The following TSPAN9 variants were observed in gnomAD, a reference collection of about 807,000 sequenced individuals.
TSPAN9 encodes the protein tetraspanin-9.
A neutral mutation model predicts 31.0 loss-of-function variants in TSPAN9; 16 were observed. That is an observed-to-expected ratio of 0.52 (90% confidence interval 0.35 to 0.78). TSPAN9 has a LOEUF of 0.78. Among genes scored for constraint, TSPAN9 ranks in the 30% least tolerant of loss-of-function variants. The pLI, the probability that TSPAN9 is intolerant of heterozygous loss-of-function variation, is 0.01. For synonymous variants in TSPAN9, 145 were observed against 121.6 expected, an observed-to-expected ratio of 1.19 and a Z score of -1.27; for missense variants, 272 against 312.5, an observed-to-expected ratio of 0.87 and a Z score of 0.98.
chr12:3,234,956 C>G (rs375930122), intron 3 of TSPAN9, among the ~76,000 whole-genome samples: 2 of 149,270 alleles, frequency 1.3e-5, no homozygotes, highest in Non-Finnish European at 3.0e-5. Flanking sequence ...GTCAGGAGAT[C>G]GAGACCATCC....
At chr12:3,235,841 A>G (rs1221024826) in intron 3 of TSPAN9, among the ~76,000 whole-genome samples, 2 of 152,222 alleles carry the variant, frequency 1.3e-5, no homozygotes, top group East Asian at 1.9e-4. Context: ...GCAGGTGCCA[A>G]TATGATTAGC....
rs200694962 is a variant in TSPAN9, at chr12:3,283,127, C to T, written c.*11C>T. 1.5e-5 allele frequency: 24 copies of T among 1,606,656 alleles called. No homozygotes were observed. Among genetic ancestry groups the T allele is most frequent in the South Asian group, 6.6e-5 (6 of 91,050 alleles). On this transcript the variant is annotated 3_prime_UTR_variant, in exon 9 of 9. Coordinates refer to ENST00000011898, the MANE Select transcript of TSPAN9 (RefSeq NM_006675.5). The stretch of plus-strand genomic sequence containing the variant: ...AAGTACGACGCATGAGCGGGCTGGC[C>T]GGGAGTGCCCACCCCGCCCTGCTGC...
At position 3,233,733 on chromosome 12, in the gene TSPAN9, G is replaced by A. The variant is rs144726348; in HGVS notation, c.63+32477G>A. ...CTTTGACTGTGTACATTTCTTTCAT[G>A]CACATGAATAATAGTTCCTCTATGG... On this transcript the variant is annotated intron_variant, in intron 3 of 8. Transcript: ENST00000011898. Among the ~76,000 whole-genome samples, 7 of 152,320 alleles carry A rather than the reference G, an allele frequency of 4.6e-5. 1 individual carries two copies. The highest frequency in any genetic ancestry group is 1.0e-4 in the Non-Finnish European group (7 of 68,030).
intron 2 of TSPAN9, among the ~76,000 whole-genome samples, chr12:3,105,684 A>G (rs974103335): frequency 1.3e-5 from 2 of 151,840 alleles, no homozygotes; most frequent in African/African-American, 4.8e-5. Context: ...AGCTGTCTCA[A>G]GGAGTGTACA....
At chr12:3,276,343 C>G (rs1292435899) in intron 3 of TSPAN9, among the ~76,000 whole-genome samples, 2 of 152,244 alleles carry the variant, frequency 1.3e-5, no homozygotes, top group Non-Finnish European at 2.9e-5. Context: ...AGGACACTTG[C>G]ACGTTTCCTT....
At chr12:3,265,094 G>A (rs117927552) in intron 3 of TSPAN9, among the ~76,000 whole-genome samples, 10 of 152,316 alleles carry the variant, frequency 6.6e-5, no homozygotes, top group East Asian at 1.9e-4. Flanking sequence ...AGAAGCCAGC[G>A]CAGTGCTGGG....
intron 3 of TSPAN9, among the ~76,000 whole-genome samples, chr12:3,202,569 C>A (rs767280154): frequency 3.7e-4 from 56 of 152,158 alleles, no homozygotes; most frequent in Non-Finnish European, 7.2e-4. Flanking sequence ...GACTGGGCTT[C>A]CTTTCCAGTC....
chr12:3,109,730 G>A (rs1280752690), intron 2 of TSPAN9, among the ~76,000 whole-genome samples: 2 of 148,142 alleles, frequency 1.4e-5, no homozygotes, highest in East Asian at 1.9e-4. Context: ...CCTGGGAGGC[G>A]GATGTTGCAG....
intron 2 of TSPAN9, among the ~76,000 whole-genome samples, chr12:3,092,745 G>A (rs1291081336): frequency 1.3e-5 from 2 of 152,208 alleles, no homozygotes; most frequent in African/African-American, 2.4e-5. Flanking sequence ...GGATGTCCCC[G>A]TAAGGACAAG....
At chr12:3,241,722 T>C (rs2098396659) in intron 3 of TSPAN9, among the ~76,000 whole-genome samples, 1 of 152,160 alleles carries the variant, frequency 6.6e-6, no homozygotes, top group Non-Finnish European at 1.5e-5. Flanking sequence ...TGACCTTGGG[T>C]GGAGGTCCCG....
chr12:3,098,612 G>A lies in TSPAN9; in HGVS notation c.-18+14893G>A, dbSNP rs117539825. Among the ~76,000 whole-genome samples, 511 of 152,238 alleles carry A rather than the reference G, an allele frequency of 3.4e-3. 3 individuals carry two copies. The highest frequency in any genetic ancestry group is 0.032 in the South Asian group (155 of 4,824). On this transcript the variant is annotated intron_variant, in intron 2 of 8. Transcript: ENST00000011898. Reference sequence around the variant, plus strand: ...TTCTTTGCTTAGAGTCACTTTGTCCGTATTGTTTCTGTAATGCCAAATTAC... The same window carrying A: ...TTCTTTGCTTAGAGTCACTTTGTCCATATTGTTTCTGTAATGCCAAATTAC...
At position 3,107,793 on chromosome 12, in the gene TSPAN9, G is replaced by C. The variant is rs989611825; in HGVS notation, c.-18+24074G>C. The stretch of plus-strand genomic sequence containing the variant: ...ATCAAAACAAATCCAGATACCTGGT[G>C]ATATCGCTAGTGCTACCTGGGCATG... On this transcript the variant is annotated intron_variant, in intron 2 of 8. Coordinates refer to ENST00000011898, the MANE Select transcript of TSPAN9 (RefSeq NM_006675.5). The surrounding 1 kb of genome is among the most constrained non-coding windows in gnomAD (Gnocchi z 4.1). 6.6e-6 allele frequency among the ~76,000 whole-genome samples: 1 copy of C among 152,236 alleles called. No individual in the cohort carries two copies. Among genetic ancestry groups the C allele is most frequent in the East Asian group, 1.9e-4 (1 of 5,198 alleles).
intron 2 of TSPAN9, among the ~76,000 whole-genome samples, chr12:3,152,981 G>A (rs772965019): frequency 6.6e-6 from 1 of 152,212 alleles, no homozygotes; most frequent in Admixed American, 6.5e-5. Context: ...CACACCTGAC[G>A]GGTGGGGGCC....
intron 2 of TSPAN9, among the ~76,000 whole-genome samples, chr12:3,123,481 G>A (rs956085232): frequency 5.9e-5 from 9 of 152,258 alleles, no homozygotes; most frequent in African/African-American, 1.7e-4. Context: ...CAGTGGGTTT[G>A]GCACAGTCCC....
At chr12:3,128,814 A>G (rs2098328467) in intron 2 of TSPAN9, among the ~76,000 whole-genome samples, 2 of 152,216 alleles carry the variant, frequency 1.3e-5, no homozygotes, top group Admixed American at 1.3e-4. Context: ...ACCATTTTTA[A>G]CTGACATTAA....
intron 3 of TSPAN9, among the ~76,000 whole-genome samples, chr12:3,252,315 T>C (rs889081697): frequency 6.6e-6 from 1 of 152,144 alleles, no homozygotes; most frequent in African/African-American, 2.4e-5. Context: ...GAGACTGGAA[T>C]GGCGTTTAGA....
chr12:3,188,353 T>C (rs2098362522), intron 2 of TSPAN9, among the ~76,000 whole-genome samples: 1 of 152,222 alleles, frequency 6.6e-6, no homozygotes, highest in Non-Finnish European at 1.5e-5. Flanking sequence ...CCTGCGGTAC[T>C]ACTGTGCTTG....
chr12:3,224,013 C>T (rs2098385891), intron 3 of TSPAN9, among the ~76,000 whole-genome samples: 1 of 152,148 alleles, frequency 6.6e-6, no homozygotes, highest in Non-Finnish European at 1.5e-5. Context: ...AAGGTTGAAG[C>T]TGCTTCCTAG....
rs964743773 is a variant in TSPAN9 at position 3,179,204 on chromosome 12, C to T, written c.-17-21973C>T. Among the ~76,000 whole-genome samples the T allele has an allele frequency of 5.3e-5, 8 of 152,030 alleles. No homozygotes were observed. The East Asian group carries it at 5.8e-4, about 11-fold the overall frequency. ...TGCCTCATCCTGGAACCATGGATGC[C>T]GCAGACAGGAAGGCACCTCCCAAAG... On this transcript the variant is annotated intron_variant, in intron 2 of 8. Coordinates refer to ENST00000011898, the MANE Select transcript of TSPAN9 (RefSeq NM_006675.5).
Sources: allele counts gnomAD v4.1 joint callset (sites outside exome capture counted in the v4.1 genomes callset), GRCh38; gene constraint gnomAD v4.1.1; non-coding constraint Gnocchi (gnomAD v3.1); transcripts MANE v1.5; gene names NCBI Gene and HGNC (gene_info 2026-07-23, HGNC 2026-07-21).